Variants in KCNH1 observed in about 807,000 individuals in gnomAD.
KCNH1 encodes the protein voltage-gated delayed rectifier potassium channel KCNH1.
In KCNH1, 27 loss-of-function variants were observed where a neutral mutation model predicts 69.2. The observed-to-expected ratio is 0.39, with a 90% CI of 0.29 to 0.54. The LOEUF is 0.54. Among genes scored for constraint, KCNH1 ranks in the 20% least tolerant of loss-of-function variants. The pLI is 0.68. For synonymous variants in KCNH1, 456 were observed against 487.7 expected, an observed-to-expected ratio of 0.93 and a Z score of 0.86; for missense variants, 798 against 1,261.6, an observed-to-expected ratio of 0.63 and a Z score of 5.57.
At chr1:211,076,175 G>A (rs1352879318) in intron 5 of KCNH1, among the ~76,000 whole-genome samples, 1 of 152,224 alleles carries the variant, frequency 6.6e-6, no homozygotes, top group Non-Finnish European at 1.5e-5. Context: ...ACAAAAGACA[G>A]CAGACAACTT....
chr1:210,841,278 C>T (rs942547199), intron 7 of KCNH1, among the ~76,000 whole-genome samples: 1 of 152,118 alleles, frequency 6.6e-6, no homozygotes, highest in African/African-American at 2.4e-5. Context: ...GTTCAATATC[C>T]TATTAATACC....
At chr1:210,852,858 G>A (rs1157047620) in intron 7 of KCNH1, among the ~76,000 whole-genome samples, 1 of 152,228 alleles carries the variant, frequency 6.6e-6, no homozygotes, top group South Asian at 2.1e-4. Flanking sequence ...ACAGCCAAAG[G>A]CAACGTGGAA....
intron 7 of KCNH1, among the ~76,000 whole-genome samples, chr1:210,871,549 T>G (rs1056980438): frequency 2.0e-5 from 3 of 152,172 alleles, no homozygotes; most frequent in African/African-American, 7.2e-5. Flanking sequence ...ACCCCATTAC[T>G]GGGTATATAC....
chr1:210,896,907 A>T (rs1045530270), intron 7 of KCNH1, among the ~76,000 whole-genome samples: 1 of 152,186 alleles, frequency 6.6e-6, no homozygotes, highest in African/African-American at 2.4e-5. Flanking sequence ...GTCTTCCAGC[A>T]AACAGCTTTA....
chr1:211,094,016 TA>T (rs1691101797), intron 3 of KCNH1, among the ~76,000 whole-genome samples: 1 of 152,222 alleles, frequency 6.6e-6, no homozygotes, highest in Non-Finnish European at 1.5e-5. Context: ...CCTACAGGTA[TA>T]AACTACATCC....
intron 5 of KCNH1, among the ~76,000 whole-genome samples, chr1:211,055,717 G>A (rs778256593): frequency 2.6e-5 from 4 of 152,182 alleles, no homozygotes; most frequent in Non-Finnish European, 5.9e-5. Context: ...TAGGATACCA[G>A]CTCAGCCACA....
intron 6 of KCNH1, among the ~76,000 whole-genome samples, chr1:210,979,250 A>G (rs1034335125): frequency 1.3e-5 from 2 of 152,202 alleles, no homozygotes; most frequent in African/African-American, 2.4e-5. Flanking sequence ...ATCTCAAGAA[A>G]AAACATCGGA....
rs1186300719 is a variant in KCNH1 at position 210,920,074 on chromosome 1, G to A, written c.1033-5C>T. ...GCTGAACAGGCTGCTGATGCCCTGG[G>A]AGAAGAGGAACACAGCGTCAGGGCC... On this transcript the variant is annotated splice_region_variant and splice_polypyrimidine_tract_variant and intron_variant, in intron 6 of 10. Coordinates refer to ENST00000271751, the MANE Select transcript of KCNH1 (RefSeq NM_172362.3). 15 of 1,610,028 alleles carry A rather than the reference G, an allele frequency of 9.3e-6. No individual in the cohort carries two copies. In the East Asian group the frequency reaches 3.1e-4, roughly 34 times the overall value.
chr1:211,071,996 C>T (rs2102458529), intron 5 of KCNH1, among the ~76,000 whole-genome samples: 1 of 152,254 alleles, frequency 6.6e-6, no homozygotes, highest in East Asian at 1.9e-4. Flanking sequence ...AAGGAAAAGG[C>T]CAGGCAGAGT....
At chr1:211,032,081 A>G (rs947662727) in intron 5 of KCNH1, among the ~76,000 whole-genome samples, 1 of 152,228 alleles carries the variant, frequency 6.6e-6, no homozygotes, top group Non-Finnish European at 1.5e-5. Context: ...TACAAAATCA[A>G]TGTGCAAAAA....
chr1:210,726,267 C>T (rs1025068169), intron 10 of KCNH1, among the ~76,000 whole-genome samples: 7 of 152,066 alleles, frequency 4.6e-5, no homozygotes, highest in Non-Finnish European at 7.4e-5. Context: ...TTTGGTGACT[C>T]GCTGATGTGC....
intron 3 of KCNH1, among the ~76,000 whole-genome samples, chr1:211,097,876 A>C (rs1691186346): frequency 6.6e-6 from 1 of 152,160 alleles, no homozygotes; most frequent in African/African-American, 2.4e-5. Context: ...CATGCTGGGG[A>C]GTGTTGTCTA....
intron 5 of KCNH1, among the ~76,000 whole-genome samples, chr1:211,056,305 A>T (rs1690303421): frequency 6.6e-6 from 1 of 152,002 alleles, no homozygotes; most frequent in South Asian, 2.1e-4. Context: ...GGTGGCTACA[A>T]GCCTTGAGAA....
chr1:210,988,271 G>T (rs938957936), intron 6 of KCNH1, among the ~76,000 whole-genome samples: 1 of 152,020 alleles, frequency 6.6e-6, no homozygotes, highest in Non-Finnish European at 1.5e-5. Context: ...ATCACACATG[G>T]TGTGCTGCAC....
intron 5 of KCNH1, among the ~76,000 whole-genome samples, chr1:211,052,013 C>T (rs1234371616): frequency 6.6e-6 from 1 of 152,264 alleles, no homozygotes; most frequent in Admixed American, 6.5e-5. Flanking sequence ...CTGATTTCAG[C>T]TAATCATTTA....
At chr1:211,034,509 T>C (rs1689858707) in intron 5 of KCNH1, among the ~76,000 whole-genome samples, 1 of 152,156 alleles carries the variant, frequency 6.6e-6, no homozygotes, top group Non-Finnish European at 1.5e-5. Context: ...ACCTTGACTA[T>C]ATCAATGCCA....
At chr1:210,949,847 G>A (rs907678964) in intron 6 of KCNH1, among the ~76,000 whole-genome samples, 1 of 152,116 alleles carries the variant, frequency 6.6e-6, no homozygotes, top group African/African-American at 2.4e-5. Context: ...CCAGGCCTTG[G>A]CAACAACATT....
rs531753171 is a variant in KCNH1 at position 210,966,090 on chromosome 1, A to G, written c.1033-46021T>C. 1.5e-4 allele frequency among the ~76,000 whole-genome samples: 23 copies of G among 152,236 alleles called. 1 individual carries two copies. The South Asian group carries it at 3.3e-3, about 22-fold the overall frequency. ...TCAGAAATAACACCACACATCTACA[A>G]CCATCTGATCTTTGACAAACCTGAC... On this transcript the variant is annotated intron_variant, in intron 6 of 10. Coordinates refer to ENST00000271751, the MANE Select transcript of KCNH1 (RefSeq NM_172362.3).
At position 210,703,142 on chromosome 1, in the gene KCNH1, C is replaced by T. The variant is rs779245026; in HGVS notation, c.2113-19004G>A. 8.2e-4 allele frequency among the ~76,000 whole-genome samples: 124 copies of T among 152,106 alleles called. 1 individual carries two copies. Among genetic ancestry groups the T allele is most frequent in the Non-Finnish European group, 8.5e-4 (58 of 67,970 alleles). ...CATAAAATAAAAATAAATTTGGGTC[C>T]ATAAAAATCCCTTCTGCATGGCACA... On this transcript the variant is annotated intron_variant, in intron 10 of 10. Coordinates refer to ENST00000271751, the MANE Select transcript of KCNH1 (RefSeq NM_172362.3).
Sources: gnomAD v4.1 joint callset for allele counts (sites outside exome capture counted in the v4.1 genomes callset) on GRCh38, gnomAD v4.1.1 for gene constraint, MANE v1.5 for transcripts, NCBI Gene and HGNC (gene_info 2026-07-23, HGNC 2026-07-21) for gene names.